ZCCHC14: variants seen among roughly 807,000 people sequenced by gnomAD.
ZCCHC14 encodes zinc finger CCHC domain-containing protein 14.
ZCCHC14 carries 16 observed loss-of-function variants against 85.0 expected under a neutral mutation model. The ratio of observed to expected loss-of-function variants is 0.19; its 90% CI spans 0.13 to 0.29. The LOEUF is 0.29. ZCCHC14 is among the 10% of genes least tolerant of loss of function. The pLI is 1.00. For missense variants in ZCCHC14, 1,303 were observed against 1,443.5 expected, an observed-to-expected ratio of 0.90 and a Z score of 1.58; for synonymous variants, 775 against 630.7, an observed-to-expected ratio of 1.23 and a Z score of -3.43.
Position 87,434,131 on chromosome 16 carries a change from C to A in ZCCHC14, c.695-930G>T, listed in dbSNP as rs75007345. On this transcript the variant is annotated intron_variant, in intron 2 of 12. Coordinates refer to ENST00000671377, the MANE Select transcript of ZCCHC14 (RefSeq NM_015144.3). ...CCTCACCAGGGAGCCCGGAAGGCAT[C>A]AGCCTACTCATCCCGTTTTCCACGT... is the stretch of plus-strand genomic sequence containing the variant. 4.5e-3 allele frequency among the ~76,000 whole-genome samples: 684 copies of A among 152,348 alleles called. 4 individuals are homozygous for A. Among genetic ancestry groups the A allele is most frequent in the African/African-American group, 0.015 (630 of 41,578 alleles).
At chr16:87,480,986 G>T (rs1912241396) in intron 1 of ZCCHC14, among the ~76,000 whole-genome samples, 1 of 152,170 alleles carries the variant, frequency 6.6e-6, no homozygotes, top group Admixed American at 6.5e-5. Flanking sequence ...GGCACATCAT[G>T]CCAAGACCCG....
At chr16:87,411,255 C>A (rs528377869) in intron 12 of ZCCHC14, among the ~76,000 whole-genome samples, 1 of 152,342 alleles carries the variant, frequency 6.6e-6, no homozygotes, top group Admixed American at 6.5e-5. Context: ...CAGGACACGG[C>A]AGTCCAGGGA....
intron 3 of ZCCHC14, among the ~76,000 whole-genome samples, chr16:87,424,541 G>A (rs894438942): frequency 2.0e-5 from 3 of 152,148 alleles, no homozygotes; most frequent in South Asian, 2.1e-4. Flanking sequence ...AGCAGCGGGC[G>A]GTGTCACTGC....
intron 3 of ZCCHC14, among the ~76,000 whole-genome samples, chr16:87,426,793 C>T (rs958167916): frequency 2.6e-5 from 4 of 152,318 alleles, no homozygotes; most frequent in African/African-American, 7.2e-5. Context: ...CAAGGGAAAG[C>T]GTGGACTCTA....
At chr16:87,435,105 A>G (rs543840562) in intron 2 of ZCCHC14, among the ~76,000 whole-genome samples, 1 of 151,932 alleles carries the variant, frequency 6.6e-6, no homozygotes, top group East Asian at 1.9e-4. Context: ...GTCCTACAGT[A>G]CATTATAATT....
At chr16:87,465,729 C>T (rs1414626159) in intron 1 of ZCCHC14, among the ~76,000 whole-genome samples, 1 of 152,202 alleles carries the variant, frequency 6.6e-6, no homozygotes, top group African/African-American at 2.4e-5. Flanking sequence ...TCTTGCATTT[C>T]TAACCAGCTC....
At chr16:87,437,056 G>A (rs946420598) in intron 2 of ZCCHC14, among the ~76,000 whole-genome samples, 2 of 152,082 alleles carry the variant, frequency 1.3e-5, no homozygotes, top group Admixed American at 1.3e-4. Flanking sequence ...GATAAATTCA[G>A]GGGCGGCCGG....
At chr16:87,414,755 T>C (rs567503790) in intron 9 of ZCCHC14, among the ~76,000 whole-genome samples, 2 of 152,350 alleles carry the variant, frequency 1.3e-5, no homozygotes, top group South Asian at 4.1e-4. Flanking sequence ...GGTCCTTTCC[T>C]GTCAAACCTA....
At chr16:87,442,882 C>T (rs765569227) in intron 2 of ZCCHC14, among the ~76,000 whole-genome samples, 1 of 152,184 alleles carries the variant, frequency 6.6e-6, no homozygotes, top group Non-Finnish European at 1.5e-5. Flanking sequence ...CAAATAACTA[C>T]CAACTGTAAC....
intron 2 of ZCCHC14, among the ~76,000 whole-genome samples, chr16:87,455,646 G>T (rs966005356): frequency 6.6e-6 from 1 of 152,192 alleles, no homozygotes; most frequent in Admixed American, 6.5e-5. Flanking sequence ...CAGAATCCGT[G>T]GCTGAGGAAT....
At chr16:87,444,757 G>A (rs915570308) in intron 2 of ZCCHC14, among the ~76,000 whole-genome samples, 1 of 152,182 alleles carries the variant, frequency 6.6e-6, no homozygotes, top group Non-Finnish European at 1.5e-5. Flanking sequence ...AGGGAAGATG[G>A]AGGAGCAGCT....
chr16:87,425,591 G>C (rs1381579493), intron 3 of ZCCHC14, among the ~76,000 whole-genome samples: 1 of 151,340 alleles, frequency 6.6e-6, no homozygotes, highest in African/African-American at 2.4e-5. Flanking sequence ...AAAAAAGAAA[G>C]AAAGAAAGAA....
intron 12 of ZCCHC14, among the ~76,000 whole-genome samples, chr16:87,411,144 C>T (rs369052892): frequency 2.4e-4 from 36 of 152,362 alleles, no homozygotes; most frequent in African/African-American, 6.0e-4. Context: ...CGAGCCCCAC[C>T]CCAGAGGGTC....
At chr16:87,481,526 C>CAGGGGGGGGGGGGGGGGGG (rs1892658109) in intron 1 of ZCCHC14, among the ~76,000 whole-genome samples, 1 of 2,434 alleles carries the variant, frequency 4.1e-4, no homozygotes, top group East Asian at 0.018. Context: ...GGGAGAGAAA[C>CAGGGGGGGGGGGGGGGGGG]GGGGGGGGGG....
At chr16:87,429,332 C>T (rs997135263) in intron 3 of ZCCHC14, among the ~76,000 whole-genome samples, 1 of 152,172 alleles carries the variant, frequency 6.6e-6, no homozygotes, top group Non-Finnish European at 1.5e-5. Context: ...CATGTATCTT[C>T]CTTGGCAAAT....
At chr16:87,450,827 A>T (rs745667694) in intron 2 of ZCCHC14, among the ~76,000 whole-genome samples, 3 of 152,218 alleles carry the variant, frequency 2.0e-5, no homozygotes, top group South Asian at 4.1e-4. Flanking sequence ...AAGTGCTGGG[A>T]TTACAAGCGT....
At position 87,491,758 on chromosome 16, in the gene ZCCHC14, G is replaced by A; in HGVS notation, c.481C>T (p.Gln161Ter). Residue 161 changes from glutamine (Q) to a stop codon, truncating the protein, a stop_gained, in exon 1 of 13, where the codon CAG becomes TAG. Transcript: ENST00000671377. LOFTEE classifies it high-confidence loss of function. The surrounding 1 kb of genome is among the most constrained non-coding windows in gnomAD (Gnocchi z 5.9). Reference sequence around the variant, plus strand: ...CCCCCGCCGCCGTTCAGGCTGCTCTGGATCTGCGTGAGCTCCTGGCGCAGC... The same window carrying A: ...CCCCCGCCGCCGTTCAGGCTGCTCTAGATCTGCGTGAGCTCCTGGCGCAGC... ...QVLRQELTQIQSSLNGGGGHG... is the reference protein window; with the variant it reads ...QVLRQELTQI The A allele has an allele frequency of 1.9e-6, 3 of 1,586,272 alleles. No homozygotes were observed. The highest frequency in any genetic ancestry group is 2.6e-6 in the Non-Finnish European group (3 of 1,170,064).
At position 87,460,055 on chromosome 16, in the gene ZCCHC14, G is replaced by C; in HGVS notation, c.647C>G (p.Ser216Cys). Residue 216 changes from serine (S) to cysteine (C), a missense_variant, in exon 2 of 13, where the codon TCC becomes TGC. By Grantham distance (112) the Ser-to-Cys change is moderately radical. Coordinates refer to ENST00000671377, the MANE Select transcript of ZCCHC14 (RefSeq NM_015144.3). Reference sequence around the variant, plus strand: ...CCTCTTGGGCAGCGACTCCTCCGTGGAATGTGCTGATGTGTGCAGGGCATT... The same window carrying C: ...CCTCTTGGGCAGCGACTCCTCCGTGCAATGTGCTGATGTGTGCAGGGCATT... ...LENALHTSAH[S>C]TEESLPKRPL... 6.2e-7 allele frequency: 1 copy of C among 1,614,154 alleles called. No individual in the cohort carries two copies. Among genetic ancestry groups the C allele is most frequent in the South Asian group, 1.1e-5 (1 of 91,082 alleles).
chr16:87,433,264 A>G, intron 2 of ZCCHC14, 63 bp from the exon 3 acceptor site: 1 of 1,482,490 alleles, frequency 6.7e-7, no homozygotes. Flanking sequence ...ATGATTATTT[A>G]GCATTTGATA....
Sources: gnomAD v4.1 joint callset for allele counts (sites outside exome capture counted in the v4.1 genomes callset) on GRCh38, gnomAD v4.1.1 for gene constraint, Gnocchi (gnomAD v3.1) non-coding constraint, MANE v1.5 for transcripts, NCBI Gene and HGNC (gene_info 2026-07-23, HGNC 2026-07-21) for gene names.